Variants in FAM227A observed in about 807,000 individuals in gnomAD.
FAM227A encodes protein FAM227A.
Under a neutral mutation model 74.7 loss-of-function variants are expected in FAM227A, and 80 were observed. The observed-to-expected ratio is 1.07, with a 90% CI of 0.89 to 1.29. The LOEUF (loss-of-function observed/expected upper bound fraction) is 1.29. FAM227A is among the 50% of genes most tolerant of loss of function. The probability of loss-of-function intolerance (pLI) is 0.00; values close to 1 mark genes in which losing one functional copy is unlikely to be tolerated. For missense variants in FAM227A, 654 were observed against 683.4 expected (o/e 0.96, Z 0.48); for synonymous variants, 237 against 241.8 (o/e 0.98, Z 0.19).
chr22:38,648,715 G>A (rs1242528445), intron 2 of FAM227A, among the ~76,000 whole-genome samples: 1 of 151,712 alleles, frequency 6.6e-6, no homozygotes, highest in Non-Finnish European at 1.5e-5. Flanking sequence ...GCTCACGCCT[G>A]TAATCCCAGC....
At chr22:38,586,920 C>T (rs574072500) in intron 16 of FAM227A, among the ~76,000 whole-genome samples, 89 of 152,092 alleles carry the variant, frequency 5.9e-4, no homozygotes, top group Non-Finnish European at 1.1e-3. Flanking sequence ...CCTCGTGATC[C>T]GCCTGCCTTG....
intron 11 of FAM227A, among the ~76,000 whole-genome samples, chr22:38,608,073 G>C (rs982446447): frequency 2.7e-5 from 4 of 146,850 alleles, no homozygotes; most frequent in African/African-American, 1.0e-4. Context: ...GAATGTGACA[G>C]AGACTCAAAA....
intron 6 of FAM227A, among the ~76,000 whole-genome samples, chr22:38,635,527 A>G (rs1016971861): frequency 6.6e-6 from 1 of 152,166 alleles, no homozygotes; most frequent in African/African-American, 2.4e-5. Context: ...TCCCATCTCC[A>G]GAGTTGCCAG....
intron 3 of FAM227A, among the ~76,000 whole-genome samples, chr22:38,643,897 C>T (rs1208948124): frequency 1.3e-5 from 2 of 152,134 alleles, no homozygotes; most frequent in East Asian, 3.9e-4. Flanking sequence ...CCTGTAATCC[C>T]AGCACTTTCG....
intron 13 of FAM227A, among the ~76,000 whole-genome samples, chr22:38,600,373 G>A (rs1460041897): frequency 1.3e-5 from 2 of 150,294 alleles, no homozygotes; most frequent in East Asian, 2.0e-4. Flanking sequence ...TCAATCTATC[G>A]CCCAGGCTGG....
chr22:38,656,038 G>A (rs1026229398), intron 1 of FAM227A, 82 bp downstream of exon 1: 29 of 152,398 alleles, frequency 1.9e-4, no homozygotes, highest in Admixed American at 1.9e-3. Context: ...AGCTTCCCTT[G>A]CTTGTAGAAG....
intron 6 of FAM227A, among the ~76,000 whole-genome samples, chr22:38,636,108 A>G (rs2092000899): frequency 1.6e-5 from 1 of 63,082 alleles, no homozygotes; most frequent in Non-Finnish European, 3.2e-5. Flanking sequence ...AGAAGGAAAC[A>G]GAAAAGAAAA....
At position 38,607,488 on chromosome 22, in the gene FAM227A, AAGAGAGAGAAAG is replaced by A. The variant is rs1569201394; in HGVS notation, c.1039-24_1039-13del. ...TTTGCACTAGAAGACTTCAGGAGAC[AAGAGAGAGAAAG>A]AGAGGGAGAAAGCGAGAGAGAGAGA... On this transcript the variant is annotated splice_polypyrimidine_tract_variant and intron_variant, in intron 11 of 16. Transcript: ENST00000535113. 1 of 1,485,630 alleles carries A rather than the reference AAGAGAGAGAAAG, an allele frequency of 6.7e-7. No individual in the cohort carries two copies. Among genetic ancestry groups the A allele is most frequent in the Non-Finnish European group, 9.2e-7 (1 of 1,087,904 alleles). The allele number at this position is 1,485,630 out of a possible 1,614,324, so 92.0% of individuals were successfully genotyped here. A position where few individuals can be genotyped will look rare whatever the true frequency, so the allele number is the denominator to read the frequency against.
intron 11 of FAM227A, among the ~76,000 whole-genome samples, chr22:38,613,362 T>TTTATAATATATATGA (rs1299382073): frequency 1.4e-4 from 2 of 14,284 alleles, no homozygotes; most frequent in African/African-American, 6.0e-4. Flanking sequence ...ATAATATATA[T>TTTATAATATATATGA]CATATATAAT....
chr22:38,636,329 C>T (rs1040735227), intron 6 of FAM227A, 122 bp downstream of exon 6: 3 of 1,091,844 alleles, frequency 2.7e-6, no homozygotes, highest in Non-Finnish European at 2.6e-6. Flanking sequence ...TAGCTCAGCT[C>T]AGACACCTGC....
In FAM227A at chr22:38,636,770, CTT is replaced by C. The variant is rs34040804; in HGVS notation, c.373-175_373-174del. 1.7e-3 allele frequency among the ~76,000 whole-genome samples: 197 copies of C among 118,746 alleles called. 1 individual carries two copies. The highest frequency in any genetic ancestry group is 7.3e-3 in the East Asian group (28 of 3,850). The allele number at this position is 118,746 out of a possible 152,430, so 77.9% of individuals were successfully genotyped here. On this transcript the variant is annotated intron_variant, in intron 5 of 16. Coordinates refer to ENST00000535113, the MANE Select transcript of FAM227A (RefSeq NM_001013647.2). The stretch of plus-strand genomic sequence containing the variant: ...TTCCAAACTCCTATCTACATTATTT[CTT>C]TTTTTTTTTTTTTTTTGAGACGAAA...
intron 8 of FAM227A, among the ~76,000 whole-genome samples, chr22:38,626,966 G>A (rs910195939): frequency 2.8e-5 from 4 of 143,726 alleles, no homozygotes; most frequent in Admixed American, 7.1e-5. Context: ...GTGTGGTGGT[G>A]CATGCCTGTA....
chr22:38,580,145 C>T lies in FAM227A; in HGVS notation c.*5980G>A, dbSNP rs2090694415. On this transcript the variant is annotated 3_prime_UTR_variant, in exon 17 of 17. Coordinates refer to ENST00000535113, the MANE Select transcript of FAM227A (RefSeq NM_001013647.2). ...TATGTTACCCGGTTTGGTCTCACCT[C>T]CTGGGCTCTAGGGGTTCTTCCACCT... 1 of 152,210 alleles carries T rather than the reference C, an allele frequency of 6.6e-6. No homozygotes were observed. The highest frequency in any genetic ancestry group is 1.5e-5 in the Non-Finnish European group (1 of 68,046). 9.4% of individuals were successfully genotyped at this position (152,210 alleles called of 1,614,324 possible). A position where few individuals can be genotyped will look rare whatever the true frequency, so the allele number is the denominator to read the frequency against.
At chr22:38,624,684 A>G (rs1160172526) in intron 9 of FAM227A, among the ~76,000 whole-genome samples, 1 of 152,194 alleles carries the variant, frequency 6.6e-6, no homozygotes, top group Non-Finnish European at 1.5e-5. Flanking sequence ...TGAGGACTCC[A>G]GCTCTAATGG....
chr22:38,589,133 T>C (rs2090876284), intron 16 of FAM227A, among the ~76,000 whole-genome samples: 1 of 151,948 alleles, frequency 6.6e-6, no homozygotes, highest in Non-Finnish European at 1.5e-5. Flanking sequence ...TTTAGAAGAA[T>C]AGATGCAGAC....
intron 3 of FAM227A, among the ~76,000 whole-genome samples, chr22:38,641,974 T>TGC (rs200823001): frequency 0.13 from 19,389 of 146,026 alleles, 1,487 homozygotes; most frequent in Non-Finnish European, 0.17. Context: ...TGTGTGTGTG[T>TGC]GCGCACGTGT....
chr22:38,643,873 C>A (rs557625131), intron 3 of FAM227A, among the ~76,000 whole-genome samples: 2 of 152,132 alleles, frequency 1.3e-5, no homozygotes. Flanking sequence ...ACTGGCCAGG[C>A]GCAGTGGCTC....
In FAM227A at chr22:38,582,227, C is replaced by T. The variant is rs1456039439; in HGVS notation, c.*3898G>A. 1.9e-6 allele frequency: 2 copies of T among 1,033,920 alleles called. No individual in the cohort carries two copies. The highest frequency in any genetic ancestry group is 4.7e-5 in the Admixed American group (2 of 42,290). The allele number at this position is 1,033,920 out of a possible 1,614,324, so 64.0% of individuals were successfully genotyped here. ...TAACCCCTTCCAGCTTCCCTCCTAT[C>T]CCCTCTCCAGCTATCCCTCCTGTTC... On this transcript the variant is annotated 3_prime_UTR_variant, in exon 17 of 17. Transcript: ENST00000535113.
intron 15 of FAM227A, among the ~76,000 whole-genome samples, chr22:38,596,603 TAGAG>T (rs955718368): frequency 2.6e-5 from 4 of 152,212 alleles, no homozygotes; most frequent in African/African-American, 4.8e-5. Context: ...GATTAGCTAT[TAGAG>T]AGAGAAAGCA....
Sources: allele counts gnomAD v4.1 joint callset (sites outside exome capture counted in the v4.1 genomes callset), GRCh38; gene constraint gnomAD v4.1.1; transcripts MANE v1.5; gene names NCBI Gene and HGNC (gene_info 2026-07-23, HGNC 2026-07-21).